Variants in MGST1 observed in about 807,000 individuals in gnomAD.
MGST1 encodes the protein microsomal glutathione S-transferase 1.
MGST1 carries 5 observed loss-of-function variants against 8.9 expected under a neutral mutation model. The observed-to-expected ratio is 0.56, with a 90% CI of 0.29 to 1.19. The LOEUF is 1.19. Ranked by LOEUF, MGST1 falls within the 50% of genes most tolerant of loss-of-function variation. The pLI, the probability that MGST1 is intolerant of heterozygous loss-of-function variation, is 0.08. For synonymous variants in MGST1, 54 were observed against 67.8 expected, an observed-to-expected ratio of 0.80 and a Z score of 1.00; for missense variants, 182 against 187.4, an observed-to-expected ratio of 0.97 and a Z score of 0.17.
At chr12:16,350,127 G>A (rs1321256955) in intron 1 of MGST1, among the ~76,000 whole-genome samples, 1 of 152,108 alleles carries the variant, frequency 6.6e-6, no homozygotes, top group Admixed American at 6.5e-5. Context: ...CACAGGTAAG[G>A]TGAAGAGGTC....
In MGST1 at chr12:16,401,076, G is replaced by T. The variant is rs1212209716; in HGVS notation, n.778+17472G>T. On this transcript the variant is annotated intron_variant and non_coding_transcript_variant, in intron 1 of 1. Coordinates refer to the MGST1 transcript ENST00000359720. This position sits in a 1 kb window ranked among gnomAD's most constrained non-coding sequence, Gnocchi z 4.3. ...CTGCCCGAGAACCTCTTCCCAAAAG[G>T]TCCTCTGCCTCATCTTTCTCCTCCT... 77 of 1,593,506 alleles carry T rather than the reference G, an allele frequency of 4.8e-5. No homozygotes were observed. Among genetic ancestry groups the T allele is most frequent in the Non-Finnish European group, 6.2e-5 (72 of 1,162,064 alleles).
intron 1 of MGST1, among the ~76,000 whole-genome samples, chr12:16,396,782 A>C (rs1940610056): frequency 6.6e-6 from 1 of 152,204 alleles, no homozygotes; most frequent in Non-Finnish European, 1.5e-5. Context: ...GAAAGAATTC[A>C]TAGCTAACAC....
chr12:16,505,646 C>T (rs114641051), intron 4 of MGST1, among the ~76,000 whole-genome samples: 1,624 of 152,224 alleles, frequency 0.011, 36 homozygotes, highest in African/African-American at 0.037. Context: ...ATTGGGCCCT[C>T]TTCACATGTT....
rs1943263475 is a variant in MGST1 at position 16,584,682 on chromosome 12, A to G, written n.483-4846A>G. On this transcript the variant is annotated intron_variant and non_coding_transcript_variant, in intron 4 of 4. Transcript: ENST00000538857. This position sits in a 1 kb window ranked among gnomAD's most constrained non-coding sequence, Gnocchi z 5.2. ...GAAAATATCCCACTTAAGTCCAAAC[A>G]TATTGCAATGGCTGCCATGAAGTTC... 6.6e-6 allele frequency among the ~76,000 whole-genome samples: 1 copy of G among 152,126 alleles called. No homozygotes were observed. The highest frequency in any genetic ancestry group is 2.1e-4 in the South Asian group (1 of 4,826).
intron 4 of MGST1, among the ~76,000 whole-genome samples, chr12:16,583,221 A>G (rs1943221084): frequency 6.6e-6 from 1 of 152,176 alleles, no homozygotes; most frequent in Admixed American, 6.5e-5. Flanking sequence ...CAGTATCAGC[A>G]GAGTGGTGAG....
intron 4 of MGST1, among the ~76,000 whole-genome samples, chr12:16,477,618 A>G (rs780717560): frequency 9.9e-5 from 15 of 152,238 alleles, no homozygotes; most frequent in Non-Finnish European, 2.2e-4. Context: ...TAGAATAGGT[A>G]GATGGAAACT....
At chr12:16,398,241 T>G (rs1565447058) in intron 1 of MGST1, among the ~76,000 whole-genome samples, 1 of 152,176 alleles carries the variant, frequency 6.6e-6, no homozygotes, top group African/African-American at 2.4e-5. Context: ...TGGAAGGAAC[T>G]GCAGTGGGAC....
At chr12:16,463,516 C>A (rs1941234567) in intron 4 of MGST1, among the ~76,000 whole-genome samples, 1 of 151,776 alleles carries the variant, frequency 6.6e-6, no homozygotes, top group Admixed American at 6.6e-5. Flanking sequence ...ATGATCTGTG[C>A]AGTAAAACAC....
downstream of MGST1, among the ~76,000 whole-genome samples, chr12:16,441,381 G>T (rs1941037370): frequency 6.6e-6 from 1 of 151,810 alleles, no homozygotes; most frequent in Admixed American, 6.6e-5. Flanking sequence ...ATTCACTCTT[G>T]ATGGTGTATA....
chr12:16,556,130 T>G (rs2137286882), intron 4 of MGST1, among the ~76,000 whole-genome samples: 1 of 152,322 alleles, frequency 6.6e-6, no homozygotes, highest in Middle Eastern at 3.4e-3. Flanking sequence ...AATTAATTGT[T>G]ACATAATTTT....
chr12:16,473,267 A>G (rs1941299539), intron 4 of MGST1, among the ~76,000 whole-genome samples: 1 of 152,162 alleles, frequency 6.6e-6, no homozygotes, highest in Non-Finnish European at 1.5e-5. Context: ...GTACAGGCAT[A>G]TAGGAGTTAG....
intron 1 of MGST1, among the ~76,000 whole-genome samples, chr12:16,415,087 A>G (rs935157967): frequency 7.2e-5 from 11 of 152,282 alleles, no homozygotes; most frequent in African/African-American, 2.2e-4. Flanking sequence ...CAAAACACCT[A>G]TGTAAGGGAC....
intron 1 of MGST1, among the ~76,000 whole-genome samples, chr12:16,397,657 G>A (rs550767464): frequency 1.0e-3 from 155 of 151,570 alleles, no homozygotes; most frequent in African/African-American, 3.5e-3. Context: ...AAAGATACAC[G>A]AATGGCCAAC....
intron 1 of MGST1, among the ~76,000 whole-genome samples, chr12:16,408,352 C>T (rs1040562834): frequency 6.6e-6 from 1 of 152,128 alleles, no homozygotes; most frequent in Non-Finnish European, 1.5e-5. Flanking sequence ...AACAAATCTG[C>T]ACATGTACCC....
chr12:16,410,380 T>A lies in MGST1; in HGVS notation n.778+26776T>A, dbSNP rs907462811. Among the ~76,000 whole-genome samples, 7 of 152,026 alleles carry A rather than the reference T, an allele frequency of 4.6e-5. No homozygotes were observed. The highest frequency in any genetic ancestry group is 1.5e-5 in the Non-Finnish European group (1 of 68,014). On this transcript the variant is annotated intron_variant and non_coding_transcript_variant, in intron 1 of 1. Transcript: ENST00000359720. This position sits in a 1 kb window ranked among gnomAD's most constrained non-coding sequence, Gnocchi z 4.4. ...CTCTTCCTGTTTCTTCTTCCATCTCTCCAGTTCAAGTTCCCACCAGTTCTC... is the reference window on the plus strand; with the variant it reads ...CTCTTCCTGTTTCTTCTTCCATCTCACCAGTTCAAGTTCCCACCAGTTCTC...
intron 4 of MGST1, among the ~76,000 whole-genome samples, chr12:16,528,221 A>G: frequency 6.6e-6 from 1 of 152,008 alleles, no homozygotes; most frequent in East Asian, 1.9e-4. Context: ...ATACATTTTC[A>G]CTGACTGCAT....
chr12:16,367,434 T>A (rs1940211919), downstream of MGST1: 2 of 152,200 alleles, frequency 1.3e-5, no homozygotes, highest in Non-Finnish European at 2.9e-5. Flanking sequence ...GACTTGTAAC[T>A]GTCTCATGGC....
Position 16,513,433 on chromosome 12 carries a change from C to T in MGST1, n.483-76095C>T, listed in dbSNP as rs1565467273. 5 of 399,366 alleles carry T rather than the reference C, an allele frequency of 1.3e-5. No individual in the cohort carries two copies. Among genetic ancestry groups the T allele is most frequent in the African/African-American group, 4.2e-5 (2 of 47,748 alleles). 24.7% of individuals were successfully genotyped at this position (399,366 alleles called of 1,614,324 possible). A position where few individuals can be genotyped will look rare whatever the true frequency, so the allele number is the denominator to read the frequency against. On this transcript the variant is annotated intron_variant and non_coding_transcript_variant, in intron 4 of 4. Transcript: ENST00000538857. The surrounding 1 kb of genome is among the most constrained non-coding windows in gnomAD (Gnocchi z 4.2). ...CCAGCTGCGTCGTCTCCGGGATCGC[C>T]GCCGCCTTCCACCCGGGCTCGCCTC...
At chr12:16,534,774 C>CT (rs141696324) in intron 4 of MGST1, among the ~76,000 whole-genome samples, 24,295 of 152,030 alleles carry the variant, frequency 0.16, 2,041 homozygotes, top group East Asian at 0.28. Flanking sequence ...CTTGAACGTT[C>CT]TTTTTTATTT....
Sources: allele counts gnomAD v4.1 joint callset (sites outside exome capture counted in the v4.1 genomes callset), GRCh38; gene constraint gnomAD v4.1.1; non-coding constraint Gnocchi (gnomAD v3.1); transcripts MANE v1.5; gene names NCBI Gene and HGNC (gene_info 2026-07-23, HGNC 2026-07-21).